The following NDST3 variants were observed in gnomAD, a reference collection of about 807,000 sequenced individuals.
NDST3 encodes the protein N-deacetylase and N-sulfotransferase 3.
In NDST3, 58 loss-of-function variants were observed where a neutral mutation model predicts 96.1. That is an observed-to-expected ratio of 0.60 (90% CI 0.49 to 0.75). NDST3 has a LOEUF of 0.75. Ranked by LOEUF, NDST3 falls within the 30% of genes least tolerant of loss-of-function variation. The pLI is 0.00. For missense variants in NDST3, 788 were observed against 1,034.2 expected (o/e 0.76, Z 3.27); for synonymous variants, 333 against 359.7 (o/e 0.93, Z 0.84).
intron 6 of NDST3, among the ~76,000 whole-genome samples, chr4:118,207,569 T>C (rs1738516039): frequency 6.9e-6 from 1 of 145,052 alleles, no homozygotes; most frequent in Non-Finnish European, 1.5e-5. Context: ...AAAAAACTTC[T>C]TTCAAAGTTT....
chr4:118,197,392 T>A (rs1404690099), intron 6 of NDST3, among the ~76,000 whole-genome samples: 2 of 152,168 alleles, frequency 1.3e-5, no homozygotes, highest in Non-Finnish European at 2.9e-5. Context: ...ATTGATGCAG[T>A]GTTGAAAGTG....
intron 3 of NDST3, among the ~76,000 whole-genome samples, chr4:118,113,465 C>T (rs1236044250): frequency 1.3e-5 from 2 of 152,180 alleles, no homozygotes; most frequent in African/African-American, 2.4e-5. Flanking sequence ...CTCTACAGCA[C>T]TTAATCTTTG....
chr4:118,138,363 A>AT, intron 5 of NDST3, 124 bp downstream of exon 5: 1 of 726,924 alleles, frequency 1.4e-6, no homozygotes, highest in East Asian at 2.9e-5. Flanking sequence ...TGCAGGAAGC[A>AT]TATTTGTCAT....
At chr4:118,118,167 C>G (rs1731272730) in intron 4 of NDST3, among the ~76,000 whole-genome samples, 1 of 152,180 alleles carries the variant, frequency 6.6e-6, no homozygotes, top group Non-Finnish European at 1.5e-5. Flanking sequence ...TTAACCTGTG[C>G]TAATATGGCA....
intron 6 of NDST3, among the ~76,000 whole-genome samples, chr4:118,166,305 A>G (rs1481770101): frequency 6.6e-6 from 1 of 151,928 alleles, no homozygotes; most frequent in African/African-American, 2.4e-5. Flanking sequence ...ATAACCTAGA[A>G]AAAATGGATA....
intron 2 of NDST3, among the ~76,000 whole-genome samples, chr4:118,069,406 A>G (rs1726861106): frequency 6.6e-6 from 1 of 152,126 alleles, no homozygotes; most frequent in African/African-American, 2.4e-5. Flanking sequence ...TTTTGAATGA[A>G]GAAATTTTAC....
chr4:118,193,388 G>T, intron 6 of NDST3: 1 of 593,242 alleles, frequency 1.7e-6, no homozygotes, highest in South Asian at 2.1e-5. Context: ...CACAGGAGTA[G>T]GGCTGGTGGA....
At chr4:118,097,265 AC>A (rs1729391439) in intron 2 of NDST3, among the ~76,000 whole-genome samples, 1 of 151,914 alleles carries the variant, frequency 6.6e-6, no homozygotes, top group South Asian at 2.1e-4. Flanking sequence ...CCCTTATATA[AC>A]CCATGTTGTC....
chr4:118,037,434 C>G (rs147490241), intron 1 of NDST3, among the ~76,000 whole-genome samples: 1,748 of 152,278 alleles, frequency 0.011, 25 homozygotes, highest in African/African-American at 0.039. Context: ...GGTTACCTAC[C>G]TGCCTAAGAT....
At chr4:118,085,894 G>A (rs1728381000) in intron 2 of NDST3, among the ~76,000 whole-genome samples, 2 of 152,156 alleles carry the variant, frequency 1.3e-5, no homozygotes, top group South Asian at 4.1e-4. Context: ...GTTCCGCTGA[G>A]CATTTACTGA....
chr4:118,117,748 C>T (rs1228599907), intron 4 of NDST3, among the ~76,000 whole-genome samples: 3 of 152,142 alleles, frequency 2.0e-5, no homozygotes, highest in Non-Finnish European at 4.4e-5. Flanking sequence ...CTTAATGCTG[C>T]ATAAATTGCA....
chr4:118,196,666 T>C (rs1737709940), intron 6 of NDST3, among the ~76,000 whole-genome samples: 1 of 152,164 alleles, frequency 6.6e-6, no homozygotes, highest in Non-Finnish European at 1.5e-5. Flanking sequence ...AATTATCATA[T>C]GAATTTCTGC....
At chr4:118,095,506 A>T (rs1729224329) in intron 2 of NDST3, among the ~76,000 whole-genome samples, 1 of 151,788 alleles carries the variant, frequency 6.6e-6, no homozygotes, top group South Asian at 2.1e-4. Context: ...TATTAATAAA[A>T]TTCAGGAGAA....
chr4:118,039,038 G>T (rs1724301710), intron 1 of NDST3, among the ~76,000 whole-genome samples: 1 of 152,188 alleles, frequency 6.6e-6, no homozygotes, highest in African/African-American at 2.4e-5. Flanking sequence ...GGAATTGTCT[G>T]TGATTCCAAA....
intron 6 of NDST3, among the ~76,000 whole-genome samples, chr4:118,214,619 A>G (rs1471393190): frequency 6.6e-6 from 1 of 152,206 alleles, no homozygotes; most frequent in Non-Finnish European, 1.5e-5. Flanking sequence ...GATTAGAGGA[A>G]CACAGTTCTG....
At chr4:118,168,302 A>G (rs1735690507) in intron 6 of NDST3, among the ~76,000 whole-genome samples, 1 of 152,056 alleles carries the variant, frequency 6.6e-6, no homozygotes, top group South Asian at 2.1e-4. Flanking sequence ...CATGACCAAC[A>G]GGCATATGAA....
chr4:118,162,170 A>T (rs920938528), intron 6 of NDST3, among the ~76,000 whole-genome samples: 18 of 152,148 alleles, frequency 1.2e-4, no homozygotes, highest in Non-Finnish European at 2.2e-4. Context: ...AAATGGCCAT[A>T]CTGCCCAAGG....
chr4:118,233,792 A>G (rs546966620), intron 9 of NDST3, among the ~76,000 whole-genome samples: 4 of 152,342 alleles, frequency 2.6e-5, no homozygotes, highest in African/African-American at 7.2e-5. Flanking sequence ...AGGTCTTGCT[A>G]TGAAGGTATA....
At chr4:118,077,031 A>G (rs1162947992) in intron 2 of NDST3, among the ~76,000 whole-genome samples, 7 of 152,230 alleles carry the variant, frequency 4.6e-5, no homozygotes, top group Admixed American at 3.3e-4. Flanking sequence ...ACTGGCTTCA[A>G]TTCTGAAAGA....
Sources: gnomAD v4.1 joint callset for allele counts (sites outside exome capture counted in the v4.1 genomes callset) on GRCh38, gnomAD v4.1.1 for gene constraint, MANE v1.5 for transcripts, NCBI Gene and HGNC (gene_info 2026-07-23, HGNC 2026-07-21) for gene names.